Variants in RELCH observed in about 807,000 individuals in gnomAD.
RELCH encodes the protein RAB11 binding and LisH domain, coiled-coil and HEAT repeat containing.
RELCH carries 41 observed loss-of-function variants against 150.3 expected under a neutral mutation model. The ratio of observed to expected loss-of-function variants is 0.27; its 90% CI spans 0.21 to 0.35. The LOEUF (loss-of-function observed/expected upper bound fraction) is 0.35, where lower values mean the gene tolerates loss of function less well. RELCH is among the 10% of genes least tolerant of loss of function. The probability of loss-of-function intolerance (pLI) is 1.00; values close to 1 mark genes in which losing one functional copy is unlikely to be tolerated. For synonymous variants in RELCH, 478 were observed against 531.8 expected, an observed-to-expected ratio of 0.90 and a Z score of 1.39; for missense variants, 1,092 against 1,467.8, an observed-to-expected ratio of 0.74 and a Z score of 4.18.
intron 11 of RELCH, chr18:62,247,004 A>T (rs1363815577): frequency 6.6e-6 from 1 of 152,220 alleles, no homozygotes; most frequent in Non-Finnish European, 1.5e-5. Context: ...AATTATCATC[A>T]TTGTCAAGAG....
chr18:62,209,892 G>C (rs2148301810), intron 1 of RELCH, among the ~76,000 whole-genome samples: 1 of 152,178 alleles, frequency 6.6e-6, no homozygotes, highest in East Asian at 1.9e-4. Context: ...ACTTGTCTTT[G>C]TTTTAATTTT....
intron 2 of RELCH, among the ~76,000 whole-genome samples, chr18:62,217,974 G>C (rs949845240): frequency 6.6e-6 from 1 of 151,946 alleles, no homozygotes; most frequent in African/African-American, 2.4e-5. Flanking sequence ...ATGCCTAACA[G>C]TACTAAGTTT....
intron 5 of RELCH, among the ~76,000 whole-genome samples, chr18:62,222,765 A>G (rs955447535): frequency 1.3e-5 from 2 of 152,012 alleles, no homozygotes; most frequent in Non-Finnish European, 2.9e-5. Context: ...TCAACAGTGA[A>G]TACATACTCT....
intron 26 of RELCH, among the ~76,000 whole-genome samples, chr18:62,290,531 T>TA (rs112987819): frequency 1.1e-3 from 174 of 151,572 alleles, no homozygotes; most frequent in African/African-American, 3.7e-3. Context: ...AAAATTCTGT[T>TA]AAAAAAAAAT....
At chr18:62,205,821 T>C (rs2039742572) in intron 1 of RELCH, among the ~76,000 whole-genome samples, 1 of 152,140 alleles carries the variant, frequency 6.6e-6, no homozygotes, top group South Asian at 2.1e-4. Context: ...ACCCAGGAGT[T>C]TGAGACCAGC....
At chr18:62,220,554 GA>G (rs2040800236) in intron 2 of RELCH, among the ~76,000 whole-genome samples, 1 of 151,462 alleles carries the variant, frequency 6.6e-6, no homozygotes, top group African/African-American at 2.4e-5. Context: ...CATTATTCTA[GA>G]TAATGCATTT....
At chr18:62,266,950 C>A (rs2043597023) in intron 19 of RELCH, among the ~76,000 whole-genome samples, 2 of 151,860 alleles carry the variant, frequency 1.3e-5, no homozygotes, top group Admixed American at 1.3e-4. Context: ...TAATCCCTGT[C>A]AATCTGATTG....
chr18:62,219,500 T>TA (rs369704293), intron 2 of RELCH, among the ~76,000 whole-genome samples: 6,159 of 137,168 alleles, frequency 0.045, 160 homozygotes, highest in Middle Eastern at 0.11. Flanking sequence ...TTTTAAAATG[T>TA]AAAAAAAAAA....
rs111551005 is a variant in RELCH, at chr18:62,306,330, G to A, written c.*796G>A. On this transcript the variant is annotated 3_prime_UTR_variant, in exon 29 of 29. Transcript: ENST00000644646. ...TAAATGCTCAAAAATAAATGTAACT[G>A]AGAAGAGTTAATAATTGTGAGATTT... The A allele has an allele frequency of 4.6e-5, 7 of 152,306 alleles. 1 individual carries two copies. Among genetic ancestry groups the A allele is most frequent in the African/African-American group, 1.7e-4 (7 of 41,558 alleles). 9.4% of individuals were successfully genotyped at this position (152,306 alleles called of 1,614,324 possible).
intron 5 of RELCH, among the ~76,000 whole-genome samples, chr18:62,224,058 T>G (rs2041052861): frequency 3.3e-5 from 5 of 152,266 alleles, no homozygotes; most frequent in Admixed American, 3.3e-4. Context: ...CATGTTGGTT[T>G]GCTGCACCCA....
At position 62,305,043 on chromosome 18, in the gene RELCH, T is replaced by G. The variant is rs554320316; in HGVS notation, c.3531-371T>G. 6.6e-5 allele frequency among the ~76,000 whole-genome samples: 10 copies of G among 152,384 alleles called. No individual in the cohort carries two copies. The highest frequency in any genetic ancestry group is 1.5e-4 in the Non-Finnish European group (10 of 68,034). On this transcript the variant is annotated intron_variant, in intron 28 of 28. Transcript: ENST00000644646. This position sits in a 1 kb window ranked among gnomAD's most constrained non-coding sequence, Gnocchi z 4.0. ...TACTAACAATTACATCATGCTATTA[T>G]GTGCCTAGCACTATACTGAGCACTT...
At chr18:62,276,106 A>G (rs1305936460) in intron 22 of RELCH, among the ~76,000 whole-genome samples, 2 of 152,146 alleles carry the variant, frequency 1.3e-5, no homozygotes, top group Non-Finnish European at 2.9e-5. Flanking sequence ...TAGCCCTAGT[A>G]TGTGTGTAGG....
At chr18:62,247,574 C>T (rs1418544198) in intron 11 of RELCH, among the ~76,000 whole-genome samples, 1 of 149,954 alleles carries the variant, frequency 6.7e-6, no homozygotes, top group Non-Finnish European at 1.5e-5. Flanking sequence ...GACAGGGTCT[C>T]ACTCTGTCTC....
chr18:62,282,839 G>T (rs571737226), intron 25 of RELCH, among the ~76,000 whole-genome samples: 1 of 151,974 alleles, frequency 6.6e-6, no homozygotes, highest in Admixed American at 6.5e-5. Flanking sequence ...TGTATTTTTC[G>T]TAGAGACGGG....
rs764702813 is a variant in RELCH, at chr18:62,187,745, G to A, written c.240G>A (p.Val80=). The part of the protein sequence containing the change: ...GLPGEASAAA[V]ALGGTGETPA... Reference sequence around the variant, plus strand: ...CTGGGGAGGCGTCGGCGGCTGCAGTGGCCCTGGGGGGCACCGGGGAGACCC... The same window carrying A: ...CTGGGGAGGCGTCGGCGGCTGCAGTAGCCCTGGGGGGCACCGGGGAGACCC... Residue 80 remains valine (V), a synonymous_variant, in exon 1 of 29, where the codon GTG becomes GTA. Coordinates refer to ENST00000644646, the MANE Select transcript of RELCH (RefSeq NM_001346231.2). 6.2e-6 allele frequency: 10 copies of A among 1,611,416 alleles called. No individual in the cohort carries two copies. The South Asian group carries it at 9.9e-5, about 16-fold the overall frequency.
chr18:62,271,756 A>G (rs2043916029), intron 20 of RELCH, among the ~76,000 whole-genome samples: 1 of 152,154 alleles, frequency 6.6e-6, no homozygotes, highest in East Asian at 1.9e-4. Flanking sequence ...TCTTGACTTA[A>G]TTTTTGTATA....
intron 27 of RELCH, among the ~76,000 whole-genome samples, chr18:62,294,226 T>G (rs2045294613): frequency 6.6e-6 from 1 of 152,104 alleles, no homozygotes; most frequent in South Asian, 2.1e-4. Flanking sequence ...AAACTGGGAG[T>G]AGAATCAACA....
intron 26 of RELCH, among the ~76,000 whole-genome samples, chr18:62,289,108 A>G (rs2044973923): frequency 6.6e-6 from 1 of 152,186 alleles, no homozygotes; most frequent in South Asian, 2.1e-4. Flanking sequence ...AGGGCATAGA[A>G]ATCTATATAA....
At chr18:62,236,630 T>C (rs563428744) in intron 10 of RELCH, among the ~76,000 whole-genome samples, 6 of 152,034 alleles carry the variant, frequency 3.9e-5, no homozygotes, top group South Asian at 2.1e-4. Flanking sequence ...TATTAACTTA[T>C]ATCTTTTAAT....
Sources: gnomAD v4.1 joint callset for allele counts (sites outside exome capture counted in the v4.1 genomes callset) on GRCh38, gnomAD v4.1.1 for gene constraint, Gnocchi (gnomAD v3.1) non-coding constraint, MANE v1.5 for transcripts, NCBI Gene and HGNC (gene_info 2026-07-23, HGNC 2026-07-21) for gene names.